ANK2: variants seen among roughly 807,000 people sequenced by gnomAD.
The protein encoded by ANK2 is ankyrin-2.
A neutral mutation model predicts 360.5 loss-of-function variants in ANK2; 83 were observed. The observed-to-expected ratio is 0.23, with a 90% CI of 0.19 to 0.28. The LOEUF (loss-of-function observed/expected upper bound fraction) is 0.28, where lower values mean the gene tolerates loss of function less well. Ranked by LOEUF, ANK2 falls within the 10% of genes least tolerant of loss-of-function variation. ANK2 has a pLI of 1.00. For missense variants in ANK2, 4,201 were observed against 4,795.7 expected, an observed-to-expected ratio of 0.88 and a Z score of 3.66; for synonymous variants, 1,740 against 1,759.5, an observed-to-expected ratio of 0.99 and a Z score of 0.28.
intron 13 of ANK2, among the ~76,000 whole-genome samples, chr4:113,260,858 C>T (rs372031531): frequency 9.9e-5 from 15 of 152,218 alleles, no homozygotes; most frequent in Non-Finnish European, 1.5e-4. Flanking sequence ...ACCGTGTGAA[C>T]GCTGACTGCC....
chr4:112,968,589 T>G (rs1317905608), intron 2 of ANK2, among the ~76,000 whole-genome samples: 1 of 152,206 alleles, frequency 6.6e-6, no homozygotes, highest in Non-Finnish European at 1.5e-5. Flanking sequence ...CTTTTTGTTT[T>G]TTTTTCTCTT....
rs1367181224 is a variant in ANK2 at position 113,369,691 on chromosome 4, C to G, written c.11496C>G (p.Pro3832=). The G allele has an allele frequency of 6.8e-6, 11 of 1,614,008 alleles. No homozygotes were observed. The highest frequency in any genetic ancestry group is 1.6e-4 in the Middle Eastern group (1 of 6,084). ...GSPIIQEPEE[P]SEHREESSPR... ...CCATCATACAAGAACCCGAAGAGCC[C>G]TCAGAGCACAGAGAGGAGAGCTCTC... Residue 3832 remains proline (P), a synonymous_variant, in exon 43 of 46, where the codon CCC becomes CCG. Transcript: ENST00000357077.
chr4:113,171,793 A>G (rs1308913698), intron 1 of ANK2, among the ~76,000 whole-genome samples: 2 of 152,168 alleles, frequency 1.3e-5, no homozygotes, highest in Non-Finnish European at 2.9e-5. Context: ...ATAACGGCAA[A>G]AGCAATCCTC....
chr4:113,212,329 G>A (rs1199776881), intron 4 of ANK2, among the ~76,000 whole-genome samples: 2 of 151,984 alleles, frequency 1.3e-5, no homozygotes, highest in African/African-American at 2.4e-5. Flanking sequence ...GGGAAGATAT[G>A]CAAAGCCCAG....
chr4:113,231,060 CT>C (rs796655737), intron 4 of ANK2, among the ~76,000 whole-genome samples: 5 of 114,144 alleles, frequency 4.4e-5, no homozygotes, highest in Non-Finnish European at 7.6e-5. Flanking sequence ...TTTTTTTTTT[CT>C]TTTTTTTTGA....
chr4:113,363,507 G>T (rs1417272685), intron 40 of ANK2, 38 bp downstream of exon 40: 1 of 1,611,888 alleles, frequency 6.2e-7, no homozygotes, highest in Non-Finnish European at 8.5e-7. Context: ...GCTAAAGTTG[G>T]ACATGTCTTG....
intron 1 of ANK2, among the ~76,000 whole-genome samples, chr4:112,890,609 C>T (rs1249936640): frequency 6.0e-5 from 7 of 116,588 alleles, no homozygotes; most frequent in Middle Eastern, 6.0e-3. Flanking sequence ...CTCTTATTGC[C>T]CAGGCTGGAG....
chr4:113,119,637 A>C (rs2095204846), intron 1 of ANK2, among the ~76,000 whole-genome samples: 1 of 152,132 alleles, frequency 6.6e-6, no homozygotes, highest in Admixed American at 6.6e-5. Flanking sequence ...GGAAAGCATC[A>C]GTTGTAGAGA....
rs766215100 is a variant in ANK2 at position 113,293,396 on chromosome 4, CCT to C, written c.2377-37_2377-36del. ...TGAGCTCATTGGCTCACATCGCAGT[CCT>C]CTCTCTTATTTCTCACTCTCTCTCT... On this transcript the variant is annotated intron_variant, in intron 21 of 45. Transcript: ENST00000357077. 11 of 1,551,648 alleles carry C rather than the reference CCT, an allele frequency of 7.1e-6. No individual in the cohort carries two copies. The South Asian group carries it at 1.1e-4, about 16-fold the overall frequency.
At chr4:113,289,422 T>C (rs1408169810) in intron 20 of ANK2, among the ~76,000 whole-genome samples, 1 of 152,034 alleles carries the variant, frequency 6.6e-6, no homozygotes, top group Non-Finnish European at 1.5e-5. Flanking sequence ...TTGCCTAGGC[T>C]GGTCTCGAAC....
intron 1 of ANK2, among the ~76,000 whole-genome samples, chr4:113,153,065 A>T (rs186576777): frequency 6.6e-5 from 10 of 152,196 alleles, no homozygotes; most frequent in African/African-American, 1.9e-4. Flanking sequence ...TGTTGCTGAC[A>T]TACAGTTTAT....
chr4:113,202,509 A>ATT (rs2098844948), intron 4 of ANK2, among the ~76,000 whole-genome samples: 1 of 152,216 alleles, frequency 6.6e-6, no homozygotes, highest in Admixed American at 6.5e-5. Context: ...AATTTAAACC[A>ATT]CTGAAATGCA....
intron 1 of ANK2, among the ~76,000 whole-genome samples, chr4:113,159,734 A>T (rs1156248225): frequency 1.3e-5 from 2 of 151,426 alleles, no homozygotes; most frequent in African/African-American, 4.9e-5. Flanking sequence ...CAGCCTACTG[A>T]GTAGCTGGGA....
the ANK2 span, among the ~76,000 whole-genome samples, chr4:112,752,561 T>G: frequency 6.6e-6 from 1 of 151,988 alleles, no homozygotes; most frequent in East Asian, 1.9e-4. Context: ...TTTTTTAACT[T>G]TTTTTGAGAC....
chr4:113,146,395 C>T (rs2154390146), intron 1 of ANK2, among the ~76,000 whole-genome samples: 1 of 152,310 alleles, frequency 6.6e-6, no homozygotes, highest in South Asian at 2.1e-4. Context: ...TCGTTTCTCA[C>T]TAAGTCACAG....
intron 5 of ANK2, among the ~76,000 whole-genome samples, chr4:113,233,174 G>A (rs1461341370): frequency 1.6e-5 from 2 of 122,806 alleles, no homozygotes; most frequent in Non-Finnish European, 3.2e-5. Flanking sequence ...TCGCTCTGTC[G>A]CCCAGGCTGG....
intron 4 of ANK2, among the ~76,000 whole-genome samples, chr4:113,203,371 T>G (rs2098877885): frequency 6.6e-6 from 1 of 152,198 alleles, no homozygotes; most frequent in Non-Finnish European, 1.5e-5. Context: ...ATCATGAGTT[T>G]CTTTAAATAC....
In ANK2 at chr4:113,274,482, C is replaced by T. The variant is rs1343616746; in HGVS notation, c.1516C>T (p.Arg506Cys). 10 of 1,614,054 alleles carry T rather than the reference C, an allele frequency of 6.2e-6. No individual in the cohort carries two copies. The highest frequency in any genetic ancestry group is 1.1e-5 in the South Asian group (1 of 91,076). Reference protein sequence around the residue: ...EEQTPLHIASRLGKTEIVQLL... With the variant: ...EEQTPLHIASCLGKTEIVQLL... ...ACAGACACCTTTACATATTGCCTCC[C>T]GCCTGGGTAAGACAGAAATTGTCCA... Residue 506 changes from arginine (R) to cysteine (C), a missense_variant, in exon 15 of 46, where the codon CGC becomes TGC. This residue lies in a region of ANK2 where 1,268 missense variants were observed against 1,650.8 expected (regional missense o/e 0.77). Transcript: ENST00000357077.
the ANK2 span, among the ~76,000 whole-genome samples, chr4:112,802,500 A>G: frequency 2.6e-5 from 4 of 152,148 alleles, no homozygotes; most frequent in African/African-American, 4.8e-5. Context: ...GCAAATTTAC[A>G]TGTTCACAGA....
Sources: gnomAD v4.1 joint callset for allele counts (sites outside exome capture counted in the v4.1 genomes callset) on GRCh38, gnomAD v4.1.1 for gene constraint, gnomAD v4.1.1 regional missense constraint, MANE v1.5 for transcripts, NCBI Gene and HGNC (gene_info 2026-07-23, HGNC 2026-07-21) for gene names.